The following UBE2N variants were observed in gnomAD, a reference collection of about 807,000 sequenced individuals.
The protein encoded by UBE2N is ubiquitin conjugating enzyme E2 N, also known as ubiquitin-conjugating enzyme E2 N.
For synonymous variants in UBE2N, 70 were observed against 69.2 expected (o/e 1.01, Z -0.06); for missense variants, 60 against 192.1 (o/e 0.31, Z 4.07).
At position 93,407,812 on chromosome 12, in the gene UBE2N, T is replaced by G. The variant is rs1252890543; in HGVS notation, c.*2227A>C. 6.6e-6 allele frequency: 1 copy of G among 152,218 alleles called. No individual in the cohort carries two copies. The highest frequency in any genetic ancestry group is 2.4e-5 in the African/African-American group (1 of 41,450). The allele number at this position is 152,218 out of a possible 1,614,324, so 9.4% of individuals were successfully genotyped here. A position where few individuals can be genotyped will look rare whatever the true frequency, so the allele number is the denominator to read the frequency against. On this transcript the variant is annotated 3_prime_UTR_variant, in exon 4 of 4. Coordinates refer to ENST00000318066, the MANE Select transcript of UBE2N (RefSeq NM_003348.4). ...CTGCCTTGGCCTCTCCCAGAGCCCC[T>G]TAAGTCCTAAGAAGGCTCAGTCAAC...
intron 1 of UBE2N, among the ~76,000 whole-genome samples, chr12:93,422,980 A>T (rs1878464480): frequency 6.6e-6 from 1 of 152,232 alleles, no homozygotes; most frequent in Admixed American, 6.5e-5. Flanking sequence ...GCCTGGAAGC[A>T]TTTAGGGCAA....
intron 1 of UBE2N, among the ~76,000 whole-genome samples, chr12:93,433,884 T>C (rs910974245): frequency 9.9e-5 from 15 of 152,190 alleles, no homozygotes; most frequent in African/African-American, 3.6e-4. Context: ...AGGTAAACTA[T>C]CCTATAAGGT....
At chr12:93,422,701 T>TA (rs1456374687) in intron 1 of UBE2N, among the ~76,000 whole-genome samples, 5 of 152,192 alleles carry the variant, frequency 3.3e-5, no homozygotes, top group African/African-American at 1.2e-4. Context: ...AGCTTTTATG[T>TA]AAAAAATGAT....
intron 1 of UBE2N, among the ~76,000 whole-genome samples, chr12:93,419,182 C>T: frequency 6.6e-6 from 1 of 152,090 alleles, no homozygotes; most frequent in East Asian, 1.9e-4. Context: ...GGCAGATCAC[C>T]TGAGGTCAGG....
intron 1 of UBE2N, among the ~76,000 whole-genome samples, chr12:93,412,440 C>G (rs920089683): frequency 2.6e-5 from 4 of 152,216 alleles, no homozygotes; most frequent in Admixed American, 6.5e-5. Context: ...CGGTCTTGAG[C>G]ACTAGATCTT....
chr12:93,424,451 C>T (rs1399142610), intron 1 of UBE2N: 1 of 152,186 alleles, frequency 6.6e-6, no homozygotes, highest in Non-Finnish European at 1.5e-5. Context: ...ATTCTCAATC[C>T]AATTGTACCA....
At chr12:93,425,006 A>T (rs544707646) in intron 1 of UBE2N, among the ~76,000 whole-genome samples, 2 of 152,356 alleles carry the variant, frequency 1.3e-5, no homozygotes, top group East Asian at 3.9e-4. Flanking sequence ...GAAGACATTC[A>T]ATCTTTTTAT....
chr12:93,410,648 C>T (rs1878006537), intron 3 of UBE2N, 86 bp downstream of exon 3: 6 of 1,557,214 alleles, frequency 3.9e-6, no homozygotes, highest in Admixed American at 1.9e-5. Context: ...TATTTCTTTT[C>T]CTTGCCAAGA....
intron 1 of UBE2N, among the ~76,000 whole-genome samples, chr12:93,420,182 T>C (rs1465041184): frequency 6.6e-6 from 1 of 152,222 alleles, no homozygotes; most frequent in African/African-American, 2.4e-5. Context: ...GACCAGAGTA[T>C]TCCTTTTTTG....
At chr12:93,413,821 A>G (rs1378197073) in intron 1 of UBE2N, among the ~76,000 whole-genome samples, 5 of 152,040 alleles carry the variant, frequency 3.3e-5, no homozygotes, top group Non-Finnish European at 5.9e-5. Flanking sequence ...CCTGCTTCTG[A>G]CCTCACTACC....
chr12:93,439,766 C>T (rs1314097323), intron 1 of UBE2N, among the ~76,000 whole-genome samples: 1 of 152,082 alleles, frequency 6.6e-6, no homozygotes. Flanking sequence ...TTAGAGAAAA[C>T]CATCCTTTTA....
At chr12:93,426,212 T>C (rs547386324) in intron 1 of UBE2N, among the ~76,000 whole-genome samples, 1 of 152,190 alleles carries the variant, frequency 6.6e-6, no homozygotes, top group African/African-American at 2.4e-5. Context: ...ACTTACACAC[T>C]AGGGCTGATG....
intron 1 of UBE2N, chr12:93,441,195 G>C (rs924311127): frequency 6.6e-6 from 1 of 152,528 alleles, no homozygotes; most frequent in African/African-American, 2.4e-5. Flanking sequence ...ATTCAGAAGA[G>C]AGAGATCGCG....
intron 1 of UBE2N, among the ~76,000 whole-genome samples, chr12:93,436,628 CT>C (rs879769561): frequency 2.3e-3 from 332 of 145,474 alleles, no homozygotes; most frequent in Middle Eastern, 3.6e-3. Flanking sequence ...TAACTGCTCA[CT>C]TTTTTTTTTT....
chr12:93,414,544 A>G (rs1565792297), intron 1 of UBE2N, among the ~76,000 whole-genome samples: 1 of 151,246 alleles, frequency 6.6e-6, no homozygotes, highest in Non-Finnish European at 1.5e-5. Flanking sequence ...TCTCTGACTT[A>G]TCTTCAGCTG....
At chr12:93,436,336 T>C (rs1878933412) in intron 1 of UBE2N, among the ~76,000 whole-genome samples, 1 of 152,206 alleles carries the variant, frequency 6.6e-6, no homozygotes, top group Non-Finnish European at 1.5e-5. Flanking sequence ...AACCTTGGGC[T>C]CAGGGGATCC....
In UBE2N at chr12:93,407,456, CAA is replaced by C. The variant is rs1352155080; in HGVS notation, c.*2581_*2582del. 6.6e-6 allele frequency: 1 copy of C among 152,180 alleles called. No individual in the cohort carries two copies. The highest frequency in any genetic ancestry group is 2.4e-5 in the African/African-American group (1 of 41,428). The allele number at this position is 152,180 out of a possible 1,614,324, so 9.4% of individuals were successfully genotyped here. A position where few individuals can be genotyped will look rare whatever the true frequency, so the allele number is the denominator to read the frequency against. The stretch of plus-strand genomic sequence containing the variant: ...TGTGTTTCCTTTAGCCCAGGGATTA[CAA>C]AGTCAAAGGCTTACAAGGGGGAAGG... On this transcript the variant is annotated 3_prime_UTR_variant, in exon 4 of 4. Coordinates refer to ENST00000318066, the MANE Select transcript of UBE2N (RefSeq NM_003348.4).
At chr12:93,430,960 G>A (rs1878749221) in intron 1 of UBE2N, among the ~76,000 whole-genome samples, 1 of 150,920 alleles carries the variant, frequency 6.6e-6, no homozygotes, top group Non-Finnish European at 1.5e-5. Context: ...CAAGCGCAGT[G>A]GCTCATGCCT....
At chr12:93,430,537 T>C (rs1878731125) in intron 1 of UBE2N, among the ~76,000 whole-genome samples, 1 of 151,868 alleles carries the variant, frequency 6.6e-6, no homozygotes, top group South Asian at 2.1e-4. Context: ...CATCTTAAAG[T>C]GAACTATGTT....
Sources: allele counts gnomAD v4.1 joint callset (sites outside exome capture counted in the v4.1 genomes callset), GRCh38; gene constraint gnomAD v4.1.1; transcripts MANE v1.5; gene names NCBI Gene and HGNC (gene_info 2026-07-23, HGNC 2026-07-21).